Variants in DSCAM observed in about 807,000 individuals in gnomAD.
The protein encoded by DSCAM is DS cell adhesion molecule.
A neutral mutation model predicts 217.7 loss-of-function variants in DSCAM; 47 were observed. That is an observed-to-expected ratio of 0.22 (90% CI 0.17 to 0.28). The LOEUF (loss-of-function observed/expected upper bound fraction) is 0.28. Among genes scored for constraint, DSCAM ranks in the 10% least tolerant of loss-of-function variants. The pLI is 1.00. For synonymous variants in DSCAM, 1,056 were observed against 1,015.3 expected (o/e 1.04, Z -0.76); for missense variants, 2,080 against 2,618.3 (o/e 0.79, Z 4.49).
At chr21:40,087,328 A>T in intron 21 of DSCAM, 41 bp from the exon 22 acceptor site, 1 of 1,499,074 alleles carries the variant, frequency 6.7e-7, no homozygotes, top group African/African-American at 1.4e-5. Context: ...TACTCCACAG[A>T]CGTGTCTACA....
At chr21:40,502,445 C>T (rs1456786483) in intron 3 of DSCAM, among the ~76,000 whole-genome samples, 1 of 152,100 alleles carries the variant, frequency 6.6e-6, no homozygotes, top group African/African-American at 2.4e-5. Context: ...GTTCTGTAGG[C>T]CATAAATCCA....
chr21:40,666,915 T>G (rs2090208500), intron 3 of DSCAM, among the ~76,000 whole-genome samples: 1 of 152,196 alleles, frequency 6.6e-6, no homozygotes, highest in Non-Finnish European at 1.5e-5. Flanking sequence ...GCTTTATTAT[T>G]TCATCTGCTC....
chr21:40,092,407 C>A lies in DSCAM; in HGVS notation c.3850+1314G>T, dbSNP rs115916251. ...GCAGTCAGCCTCCCTTGACCAAATC[C>A]TCTGTGTCCCCAGCATAGACCCTGA... On this transcript the variant is annotated intron_variant, in intron 21 of 32. Transcript: ENST00000400454. 3.7e-3 allele frequency among the ~76,000 whole-genome samples: 561 copies of A among 152,296 alleles called. 4 individuals are homozygous for A. The highest frequency in any genetic ancestry group is 0.013 in the African/African-American group (526 of 41,562).
At chr21:40,263,068 C>G (rs2073475631) in intron 11 of DSCAM, among the ~76,000 whole-genome samples, 1 of 152,090 alleles carries the variant, frequency 6.6e-6, no homozygotes, top group African/African-American at 2.4e-5. Flanking sequence ...TTTAAAATGC[C>G]ATACAAAATT....
At chr21:40,347,467 C>CGAAG (rs2074571193) in intron 6 of DSCAM, among the ~76,000 whole-genome samples, 1 of 152,210 alleles carries the variant, frequency 6.6e-6, no homozygotes, top group Non-Finnish European at 1.5e-5. Flanking sequence ...TACATTACTT[C>CGAAG]TAATATGAAA....
At chr21:40,114,240 G>A (rs1016411111) in intron 20 of DSCAM, among the ~76,000 whole-genome samples, 4 of 142,682 alleles carry the variant, frequency 2.8e-5, no homozygotes, top group Non-Finnish European at 6.3e-5. Context: ...ACAGAACAGA[G>A]CCCTCAGAAA....
chr21:40,715,954 A>T (rs2090837379), intron 1 of DSCAM, among the ~76,000 whole-genome samples: 1 of 152,216 alleles, frequency 6.6e-6, no homozygotes, highest in Non-Finnish European at 1.5e-5. Flanking sequence ...TACAAGAAAC[A>T]TTGCTTAATT....
At chr21:40,789,943 G>T (rs1488827097) in intron 1 of DSCAM, among the ~76,000 whole-genome samples, 1 of 152,156 alleles carries the variant, frequency 6.6e-6, no homozygotes, top group African/African-American at 2.4e-5. Flanking sequence ...GTGGTGGGAA[G>T]CTTGACCACA....
At chr21:40,777,930 A>C (rs1189100874) in intron 1 of DSCAM, among the ~76,000 whole-genome samples, 1 of 152,312 alleles carries the variant, frequency 6.6e-6, no homozygotes, top group East Asian at 1.9e-4. Flanking sequence ...AAAGGAAACA[A>C]TTTAAATGAC....
intron 3 of DSCAM, among the ~76,000 whole-genome samples, chr21:40,398,637 C>CTTTTTTTTTTT (rs538905441): frequency 3.0e-5 from 4 of 132,104 alleles, no homozygotes; most frequent in Non-Finnish European, 4.8e-5. Context: ...TTTTTTCTTT[C>CTTTTTTTTTTT]TTTTTTTTTT....
intron 17 of DSCAM, among the ~76,000 whole-genome samples, chr21:40,143,971 C>T (rs1432926045): frequency 6.6e-6 from 1 of 152,148 alleles, no homozygotes; most frequent in Non-Finnish European, 1.5e-5. Flanking sequence ...ATTTGAGCTT[C>T]TGGGTTATTC....
At chr21:40,581,946 T>C (rs116549314) in intron 3 of DSCAM, among the ~76,000 whole-genome samples, 1,611 of 152,328 alleles carry the variant, frequency 0.011, 26 homozygotes, top group African/African-American at 0.036. Flanking sequence ...TACCATAAAA[T>C]GTAATTTATT....
At chr21:40,413,247 A>C (rs970180327) in intron 3 of DSCAM, among the ~76,000 whole-genome samples, 1 of 152,202 alleles carries the variant, frequency 6.6e-6, no homozygotes, top group Non-Finnish European at 1.5e-5. Flanking sequence ...TAGAGCCAAA[A>C]GAAGGGGGCC....
intron 3 of DSCAM, among the ~76,000 whole-genome samples, chr21:40,453,456 G>T (rs191866141): frequency 1.1e-4 from 17 of 152,190 alleles, no homozygotes; most frequent in Admixed American, 1.1e-3. Flanking sequence ...TGCACAAAAC[G>T]CCTGCAACAA....
chr21:40,827,468 C>CAAAAAAAAAAAAAAA (rs55906607), intron 1 of DSCAM, among the ~76,000 whole-genome samples: 1 of 57,142 alleles, frequency 1.8e-5, no homozygotes, highest in Non-Finnish European at 3.6e-5. Context: ...GTCCATGTCT[C>CAAAAAAAAAAAAAAA]AAAAAAAAAA....
At chr21:40,669,855 G>A (rs1057494199) in intron 3 of DSCAM, among the ~76,000 whole-genome samples, 6 of 151,970 alleles carry the variant, frequency 3.9e-5, no homozygotes, top group South Asian at 4.2e-4. Context: ...ACAGGCATGA[G>A]CTACTGCGCC....
chr21:40,821,677 T>C (rs2091929503), intron 1 of DSCAM, among the ~76,000 whole-genome samples: 1 of 152,136 alleles, frequency 6.6e-6, no homozygotes, highest in South Asian at 2.1e-4. Context: ...TTCTTTATCT[T>C]GTCTATTATT....
rs574583620 is a variant in DSCAM, at chr21:40,580,530, C to T, written c.508+112280G>A. On this transcript the variant is annotated intron_variant, in intron 3 of 32. Transcript: ENST00000400454. ...CTATAGCTTGGGTGACAGAGGGAGA[C>T]TCTGTCTCAAAAAAAAACAAAACAG... 2.6e-5 allele frequency among the ~76,000 whole-genome samples: 4 copies of T among 151,206 alleles called. No homozygotes were observed. The South Asian group carries it at 8.3e-4, about 31-fold the overall frequency.
chr21:40,491,715 C>T (rs991508341), intron 3 of DSCAM, among the ~76,000 whole-genome samples: 4 of 152,148 alleles, frequency 2.6e-5, no homozygotes, highest in Admixed American at 6.5e-5. Flanking sequence ...AGTCACACTC[C>T]TGCCCTAAGA....
Sources: allele counts gnomAD v4.1 joint callset (sites outside exome capture counted in the v4.1 genomes callset), GRCh38; gene constraint gnomAD v4.1.1; transcripts MANE v1.5; gene names NCBI Gene and HGNC (gene_info 2026-07-23, HGNC 2026-07-21).